COG7: variants seen among roughly 807,000 people sequenced by gnomAD.
COG7 encodes component of oligomeric golgi complex 7.
A neutral mutation model predicts 91.5 loss-of-function variants in COG7; 49 were observed. The ratio of observed to expected loss-of-function variants is 0.54; its 90% confidence interval spans 0.43 to 0.68. The LOEUF (loss-of-function observed/expected upper bound fraction) is 0.68. COG7 is among the 30% of genes least tolerant of loss of function. The probability of loss-of-function intolerance (pLI) is 0.00; values close to 1 mark genes in which losing one functional copy is unlikely to be tolerated. For synonymous variants in COG7, 365 were observed against 388.7 expected (o/e 0.94, Z 0.72); for missense variants, 895 against 961.3 (o/e 0.93, Z 0.91).
At chr16:23,390,877 A>C (rs886705669) in intron 16 of COG7, among the ~76,000 whole-genome samples, 1 of 152,234 alleles carries the variant, frequency 6.6e-6, no homozygotes, top group Admixed American at 6.5e-5. Context: ...AAGTTTATCC[A>C]TAAAACCGTG....
chr16:23,448,560 C>T (rs1964217354), intron 1 of COG7, among the ~76,000 whole-genome samples: 1 of 152,114 alleles, frequency 6.6e-6, no homozygotes. Context: ...AATCCTCCCA[C>T]TTCAGCTTCC....
At chr16:23,451,308 C>T (rs540025963) in intron 1 of COG7, among the ~76,000 whole-genome samples, 153 of 152,314 alleles carry the variant, frequency 1.0e-3, no homozygotes, top group African/African-American at 3.5e-3. Context: ...GTGTGCAGTA[C>T]GTACTGAATC....
At chr16:23,434,768 A>C in intron 4 of COG7, 50 bp from the exon 5 acceptor site, 1 of 1,379,760 alleles carries the variant, frequency 7.2e-7, no homozygotes, top group Non-Finnish European at 1.0e-6. Context: ...TCTGGTGTAG[A>C]CATGAGAAAA....
In COG7 at chr16:23,438,955, CG is replaced by C. The variant is rs1964055056; in HGVS notation, c.604+3521del. On this transcript the variant is annotated intron_variant, in intron 4 of 16. Transcript: ENST00000307149. ...GGCGGATCACTTGAGGCCAGGAGTTCGAGACCAGCCTGGCCAACATGGTGAA... is the reference window on the plus strand; with the variant it reads ...GGCGGATCACTTGAGGCCAGGAGTTCAGACCAGCCTGGCCAACATGGTGAA... 2.0e-5 allele frequency among the ~76,000 whole-genome samples: 3 copies of C among 151,788 alleles called. No individual in the cohort carries two copies. The South Asian group carries it at 6.3e-4, about 32-fold the overall frequency.
chr16:23,394,513 T>G (rs369704077), intron 14 of COG7, among the ~76,000 whole-genome samples: 7 of 152,320 alleles, frequency 4.6e-5, no homozygotes, highest in African/African-American at 1.7e-4. Flanking sequence ...TGTTGTTGTT[T>G]TTTTTTTCTT....
intron 11 of COG7, among the ~76,000 whole-genome samples, chr16:23,406,833 T>C (rs1233220801): frequency 3.9e-5 from 6 of 152,212 alleles, no homozygotes; most frequent in Admixed American, 3.9e-4. Flanking sequence ...GAGAGATCTA[T>C]TGAGGCTGGC....
chr16:23,427,464 ACT>A (rs1320388659), intron 6 of COG7, among the ~76,000 whole-genome samples: 4 of 149,710 alleles, frequency 2.7e-5, no homozygotes, highest in African/African-American at 7.5e-5. Context: ...ACAGAGAGAA[ACT>A]CTGTCTCAAA....
intron 16 of COG7, among the ~76,000 whole-genome samples, chr16:23,390,771 G>A (rs767699132): frequency 5.9e-5 from 9 of 152,200 alleles, no homozygotes; most frequent in Non-Finnish European, 1.3e-4. Flanking sequence ...CCCCACTCAG[G>A]GCAGGGCCAG....
rs757196143 is a variant in COG7 at position 23,417,094 on chromosome 16, GCA to G, written c.1163_1164del (p.Val388AlafsTer19). 3 of 1,614,204 alleles carry G rather than the reference GCA, an allele frequency of 1.9e-6. No individual in the cohort carries two copies. The South Asian group carries it at 3.3e-5, about 18-fold the overall frequency. On this transcript the variant is annotated frameshift_variant, in exon 9 of 17. Transcript: ENST00000307149. LOFTEE classifies it high-confidence loss of function. ...TTGTTCACGGAGTGGCTCAGCTCCT[GCA>G]CACAGTCAATCACTTCCCCATGCTC... is the stretch of plus-strand genomic sequence containing the variant. ...PLEHGEVIDC[V>X]QELSHSVNKL...
intron 1 of COG7, among the ~76,000 whole-genome samples, chr16:23,451,054 G>A (rs1964257237): frequency 6.6e-6 from 1 of 151,994 alleles, no homozygotes; most frequent in Non-Finnish European, 1.5e-5. Flanking sequence ...ATTAGCCAGG[G>A]GTGGGGCACG....
chr16:23,428,525 C>T lies in COG7; in HGVS notation c.811-3578G>A, dbSNP rs1468941711. On this transcript the variant is annotated intron_variant, in intron 6 of 16. Coordinates refer to ENST00000307149, the MANE Select transcript of COG7 (RefSeq NM_153603.4). The stretch of plus-strand genomic sequence containing the variant: ...AACATCCTTAGTCATCAGGGAAATG[C>T]AAATAAAAACCATGATGAGATACTA... 7.9e-5 allele frequency among the ~76,000 whole-genome samples: 12 copies of T among 151,632 alleles called. No homozygotes were observed. The East Asian group carries it at 2.3e-3, about 29-fold the overall frequency.
Position 23,445,836 on chromosome 16 carries a change from G to A in COG7, c.295C>T (p.Gln99Ter). Residue 99 changes from glutamine to a stop codon, truncating the protein, a stop_gained, in exon 2 of 17, where the codon CAG becomes TAG. Transcript: ENST00000307149. LOFTEE classifies it high-confidence loss of function. ...ACCTGCATGGATTGAGATGTGTCCT[G>A]TTCAAATTTTTTAATGTCCTCCTTG... ...LVKEDIKKFE[Q>*]DTSQSMQVLV... 1 of 1,613,990 alleles carries A rather than the reference G, an allele frequency of 6.2e-7. No individual in the cohort carries two copies.
rs62029422 is a variant in COG7 at position 23,391,607 on chromosome 16, C to G, written c.2146+773G>C. 3.9e-3 allele frequency among the ~76,000 whole-genome samples: 593 copies of G among 152,354 alleles called. 3 individuals carry two copies. The highest frequency in any genetic ancestry group is 0.014 in the Middle Eastern group (4 of 294). On this transcript the variant is annotated intron_variant, in intron 16 of 16. Coordinates refer to ENST00000307149, the MANE Select transcript of COG7 (RefSeq NM_153603.4). Reference sequence around the variant, plus strand: ...GGCTCAGCCCTGTGGTCACTGAGGACGAAGCTCTGGCTGTGTCCCCAGGGA... The same window carrying G: ...GGCTCAGCCCTGTGGTCACTGAGGAGGAAGCTCTGGCTGTGTCCCCAGGGA...
rs1963699729 is a variant in COG7 at position 23,418,775 on chromosome 16, T to C, written c.1062A>G (p.Pro354=). 2 of 1,613,782 alleles carry C rather than the reference T, an allele frequency of 1.2e-6. No individual in the cohort carries two copies. The highest frequency in any genetic ancestry group is 8.5e-7 in the Non-Finnish European group (1 of 1,179,656). ...CATACTTCAGCTGGTAGGGTTTGTATGGATCATACACAGCATCCACCAGCT... is the reference window on the plus strand; with the variant it reads ...CATACTTCAGCTGGTAGGGTTTGTACGGATCATACACAGCATCCACCAGCT... The part of the protein sequence containing the change: ...VTELVDAVYD[P]YKPYQLKYGD... The change falls in exon 8 of 17, where the codon CCA becomes CCG. Residue 354 remains proline, a synonymous_variant. Transcript: ENST00000307149.
chr16:23,406,027 T>G, intron 12 of COG7, 49 bp downstream of exon 12: 11 of 1,562,392 alleles, frequency 7.0e-6, no homozygotes, highest in Non-Finnish European at 8.8e-6. Flanking sequence ...GGGTGAGTGA[T>G]GAGAAGAAGC....
At chr16:23,406,492 A>C (rs1236756296) in intron 11 of COG7, among the ~76,000 whole-genome samples, 3 of 152,218 alleles carry the variant, frequency 2.0e-5, no homozygotes, top group East Asian at 3.8e-4. Context: ...GAACATTCAC[A>C]GTGCCAGAAC....
intron 11 of COG7, among the ~76,000 whole-genome samples, chr16:23,407,409 C>G (rs544292901): frequency 6.6e-6 from 1 of 152,180 alleles, no homozygotes; most frequent in Non-Finnish European, 1.5e-5. Context: ...TCCTCTAGTC[C>G]TCGAAGTTCT....
rs890455687 is a variant in COG7 at position 23,424,922 on chromosome 16, A to C, written c.836T>G (p.Val279Gly). Residue 279 changes from valine (V) to glycine (G), a missense_variant, in exon 7 of 17, where the codon GTA becomes GGA. Transcript: ENST00000307149. ...TQVFQKPHEV[V>G]MVLLIQTLGA... ...CAGGGTCTGAATCAGCAGCACCATTACCACCTCGTGGGGCTTCTGGAAAAC... is the reference window on the plus strand; with the variant it reads ...CAGGGTCTGAATCAGCAGCACCATTCCCACCTCGTGGGGCTTCTGGAAAAC... 2.5e-6 allele frequency: 4 copies of C among 1,611,702 alleles called. No homozygotes were observed. The highest frequency in any genetic ancestry group is 3.4e-6 in the Non-Finnish European group (4 of 1,178,804).
chr16:23,420,299 G>C (rs1963733637), intron 7 of COG7, among the ~76,000 whole-genome samples: 1 of 152,174 alleles, frequency 6.6e-6, no homozygotes, highest in African/African-American at 2.4e-5. Flanking sequence ...AATACACAGA[G>C]ACAGAAGGAT....
Sources: gnomAD v4.1 joint callset for allele counts (sites outside exome capture counted in the v4.1 genomes callset) on GRCh38, gnomAD v4.1.1 for gene constraint, MANE v1.5 for transcripts, NCBI Gene and HGNC (gene_info 2026-07-23, HGNC 2026-07-21) for gene names.